TCF4: variants seen among roughly 807,000 people sequenced by gnomAD.
The protein encoded by TCF4 is transcription factor 4, also known as SL3-3 enhancer factor 2.
TCF4 carries 3 observed loss-of-function variants against 82.1 expected under a neutral mutation model. The ratio of observed to expected loss-of-function variants is 0.04; its 90% CI spans 0.02 to 0.09. The LOEUF (loss-of-function observed/expected upper bound fraction) is 0.09. TCF4 is among the 10% of genes least tolerant of loss of function. The probability of loss-of-function intolerance (pLI) is 1.00; values close to 1 mark genes in which losing one functional copy is unlikely to be tolerated. For synonymous variants in TCF4, 276 were observed against 309.6 expected, an observed-to-expected ratio of 0.89 and a Z score of 1.14; for missense variants, 518 against 852.7, an observed-to-expected ratio of 0.61 and a Z score of 4.89.
chr18:55,542,838 C>T (rs1038514937), intron 3 of TCF4, among the ~76,000 whole-genome samples: 33 of 151,976 alleles, frequency 2.2e-4, no homozygotes, highest in Non-Finnish European at 4.0e-4. Flanking sequence ...CAACAGATAC[C>T]GTTTTAAATT....
intron 2 of TCF4, among the ~76,000 whole-genome samples, chr18:55,603,723 C>A (rs975470879): frequency 6.6e-5 from 10 of 152,260 alleles, no homozygotes; most frequent in Admixed American, 5.2e-4. Flanking sequence ...CTGCTATCAA[C>A]CCCAAGGGAA....
At chr18:55,445,491 C>T (rs2095510318) in intron 5 of TCF4, among the ~76,000 whole-genome samples, 1 of 152,158 alleles carries the variant, frequency 6.6e-6, no homozygotes, top group South Asian at 2.1e-4. Context: ...TGCAGGCGAA[C>T]TGGCCTTTAT....
chr18:55,403,005 A>G (rs2093911758), intron 6 of TCF4, among the ~76,000 whole-genome samples: 2 of 152,190 alleles, frequency 1.3e-5, no homozygotes, highest in South Asian at 2.1e-4. Flanking sequence ...TTATCCCTCA[A>G]TACAACCCTG....
rs577396737 is a variant in TCF4 at position 55,448,640 on chromosome 18, G to T, written c.304+12379C>A. Among the ~76,000 whole-genome samples the T allele has an allele frequency of 3.0e-4, 46 of 152,358 alleles. 1 individual carries two copies. The South Asian group carries it at 8.7e-3, about 29-fold the overall frequency. ...CATCTATCTGTGGACAATATCAGCA[G>T]ATTAGAGTCAGTTTATAGAGCAGCT... On this transcript the variant is annotated intron_variant, in intron 5 of 19. Transcript: ENST00000354452.
chr18:55,257,203 T>C (rs942146881), intron 14 of TCF4, 112 bp downstream of exon 14: 1 of 1,134,434 alleles, frequency 8.8e-7, no homozygotes, highest in Non-Finnish European at 1.3e-6. Flanking sequence ...TGCTTAATGC[T>C]GACTTAAAGT....
At position 55,506,832 on chromosome 18, in the gene TCF4, C is replaced by A. The variant is rs865867140; in HGVS notation, c.146-42695G>T. Among the ~76,000 whole-genome samples the A allele has an allele frequency of 8.6e-5, 13 of 151,890 alleles. No homozygotes were observed. The South Asian group carries it at 2.7e-3, about 32-fold the overall frequency. On this transcript the variant is annotated intron_variant, in intron 3 of 19. Transcript: ENST00000354452. ...AGTAACATAGAACAATTATAATATA[C>A]TGCAACCTCAGCATATGATCTTTCT...
At chr18:55,507,553 G>A (rs1427683368) in intron 3 of TCF4, among the ~76,000 whole-genome samples, 1 of 151,864 alleles carries the variant, frequency 6.6e-6, no homozygotes, top group Non-Finnish European at 1.5e-5. Context: ...ACAGATAAGG[G>A]GGGCGGGGGG....
intron 8 of TCF4, among the ~76,000 whole-genome samples, chr18:55,318,971 T>C (rs1170862143): frequency 6.6e-6 from 1 of 152,202 alleles, no homozygotes; most frequent in Non-Finnish European, 1.5e-5. Context: ...GAAAACCTGC[T>C]TCCTCTGGCC....
intron 8 of TCF4, among the ~76,000 whole-genome samples, chr18:55,339,433 A>C (rs948896059): frequency 6.6e-6 from 1 of 152,206 alleles, no homozygotes; most frequent in Non-Finnish European, 1.5e-5. Flanking sequence ...GTAATCCACA[A>C]GGTGGCAATG....
At chr18:55,381,879 G>T (rs2091953441) in intron 6 of TCF4, among the ~76,000 whole-genome samples, 2 of 149,304 alleles carry the variant, frequency 1.3e-5, no homozygotes, top group Admixed American at 1.3e-4. Context: ...TGGATTTGAT[G>T]ATCTTTAAGG....
intron 3 of TCF4, chr18:55,551,196 C>T (rs1379519636): frequency 6.6e-6 from 1 of 152,428 alleles, no homozygotes; most frequent in African/African-American, 2.4e-5. Flanking sequence ...CTGCCCACCT[C>T]AGCCTCCCAA....
intron 8 of TCF4, among the ~76,000 whole-genome samples, chr18:55,298,534 A>G (rs559615634): frequency 6.6e-6 from 1 of 152,314 alleles, no homozygotes; most frequent in South Asian, 2.1e-4. Context: ...CCAGCAAATT[A>G]AACTTCTCAG....
At chr18:55,228,761 C>A (rs2047052079) in intron 18 of TCF4, 86 bp downstream of exon 18, 1 of 1,352,078 alleles carries the variant, frequency 7.4e-7, no homozygotes, top group African/African-American at 1.4e-5. Flanking sequence ...TACTGTCTGC[C>A]ACTGCTCAAG....
chr18:55,463,989 A>G (rs2095944043), intron 4 of TCF4, 87 bp downstream of exon 4: 1 of 1,206,248 alleles, frequency 8.3e-7, no homozygotes, highest in Non-Finnish European at 1.2e-6. Context: ...AGAGAGAGAG[A>G]GAGAGAGAGA....
At chr18:55,293,040 G>C (rs1252849355) in intron 8 of TCF4, among the ~76,000 whole-genome samples, 1 of 152,126 alleles carries the variant, frequency 6.6e-6, no homozygotes, top group East Asian at 1.9e-4. Flanking sequence ...TTTAGAACTA[G>C]ACAGATGTGG....
At chr18:55,395,597 C>T (rs1380298241) in intron 6 of TCF4, among the ~76,000 whole-genome samples, 3 of 152,092 alleles carry the variant, frequency 2.0e-5, no homozygotes, top group East Asian at 1.9e-4. Flanking sequence ...GGGCTAAATG[C>T]CATAATCGAA....
intron 6 of TCF4, among the ~76,000 whole-genome samples, chr18:55,353,487 ATTTC>A (rs1295966292): frequency 6.6e-6 from 1 of 152,112 alleles, no homozygotes; most frequent in African/African-American, 2.4e-5. Context: ...GTTTGTTCCT[ATTTC>A]TTTCTCACTT....
intron 5 of TCF4, among the ~76,000 whole-genome samples, chr18:55,415,452 T>C (rs2146803754): frequency 6.6e-6 from 1 of 152,290 alleles, no homozygotes; most frequent in African/African-American, 2.4e-5. Flanking sequence ...AGTTCCTATG[T>C]GAGCAGCCAG....
rs200409006 is a variant in TCF4 at position 55,533,444 on chromosome 18, AT to A, written c.145+51835del. ...GGGCAGGGTCTACCTGGTTAATGTT[AT>A]CCTGAGAGGGTGGGTTCTCTGGGCA... On this transcript the variant is annotated intron_variant, in intron 3 of 19. Coordinates refer to ENST00000354452, the MANE Select transcript of TCF4 (RefSeq NM_001083962.2). 8.7e-3 allele frequency among the ~76,000 whole-genome samples: 1,325 copies of A among 152,310 alleles called. 5 individuals carry two copies. The highest frequency in any genetic ancestry group is 0.013 in the Non-Finnish European group (858 of 68,026).
Sources: allele counts gnomAD v4.1 joint callset (sites outside exome capture counted in the v4.1 genomes callset), GRCh38; gene constraint gnomAD v4.1.1; transcripts MANE v1.5; gene names NCBI Gene and HGNC (gene_info 2026-07-23, HGNC 2026-07-21).